Variants in PCDHA8 observed in about 807,000 individuals in gnomAD.
The protein encoded by PCDHA8 is protocadherin alpha 8, also known as protocadherin alpha-8.
A neutral mutation model predicts 61.8 loss-of-function variants in PCDHA8; 53 were observed. That is an observed-to-expected ratio of 0.86 (90% CI 0.69 to 1.08). The LOEUF is 1.08. Among genes scored for constraint, PCDHA8 ranks in the 50% least tolerant of loss-of-function variants. PCDHA8 has a pLI of 0.00. For synonymous variants in PCDHA8, 618 were observed against 556.6 expected, an observed-to-expected ratio of 1.11 and a Z score of -1.55; for missense variants, 1,293 against 1,245.0, an observed-to-expected ratio of 1.04 and a Z score of -0.58.
intron 1 of PCDHA8, chr5:140,856,666 G>C: frequency 1.3e-6 from 2 of 1,598,010 alleles, no homozygotes; most frequent in South Asian, 2.2e-5. Flanking sequence ...AAAATCCTCA[G>C]CTAAAGTTGT....
At chr5:140,898,003 G>A (rs2066458535) in intron 1 of PCDHA8, among the ~76,000 whole-genome samples, 1 of 152,152 alleles carries the variant, frequency 6.6e-6, no homozygotes, top group Non-Finnish European at 1.5e-5. Context: ...AGAAGTGTCT[G>A]TTCATATCCT....
At chr5:140,864,187 AT>A (rs2153225210) in intron 1 of PCDHA8, 1 of 152,208 alleles carries the variant, frequency 6.6e-6, no homozygotes, top group East Asian at 1.9e-4. Context: ...ATGAATAATG[AT>A]CCTTATGAGA....
intron 1 of PCDHA8, chr5:140,876,163 A>AC (rs782492210): frequency 6.2e-7 from 1 of 1,613,966 alleles, no homozygotes; most frequent in South Asian, 1.1e-5. Flanking sequence ...GATTCAAATA[A>AC]CCGTCCTGGA....
intron 1 of PCDHA8, among the ~76,000 whole-genome samples, chr5:140,959,381 A>G (rs2095484925): frequency 6.6e-6 from 1 of 152,190 alleles, no homozygotes; most frequent in African/African-American, 2.4e-5. Flanking sequence ...CTCAAAAAAA[A>G]AAGTCACAAA....
intron 1 of PCDHA8, among the ~76,000 whole-genome samples, chr5:140,978,640 G>T (rs1339340351): frequency 6.6e-6 from 1 of 152,252 alleles, no homozygotes; most frequent in African/African-American, 2.4e-5. Flanking sequence ...TCTCAAAGCA[G>T]ACTGTTCTTC....
rs112947494 is a variant in PCDHA8, at chr5:140,841,828, C to T, written c.507C>T (p.Thr169=). The T allele has an allele frequency of 2.2e-3, 3,483 of 1,613,892 alleles. 96 individuals are homozygous for T. In the African/African-American group the frequency reaches 0.04, roughly 19 times the overall value. ...DADVGANSVL[T]YRLSSHDYFM... is the part of the protein sequence containing the mutation. ...ATGTTGGAGCTAACTCCGTGTTAAC[C>T]TACAGGCTTAGCTCTCATGATTACT... The change falls in exon 1 of 4, where the codon ACC becomes ACT. Residue 169 remains threonine, a synonymous_variant. Transcript: ENST00000531613.
intron 1 of PCDHA8, among the ~76,000 whole-genome samples, chr5:140,872,251 T>C (rs557937835): frequency 3.3e-5 from 5 of 152,196 alleles, no homozygotes; most frequent in Non-Finnish European, 7.3e-5. Flanking sequence ...CCTGTGATAA[T>C]ACTTGTTTTC....
Position 140,843,712 on chromosome 5 carries a change from C to G in PCDHA8, c.2391C>G (p.Leu797=). ...EEQDLNVDHG[L]KPRQPNPDWR... ...AAGATTTAAATGTTGATCATGGCCT[C>G]AAAGTAAGTCCATTTAAATTTAGAA... The change falls in exon 1 of 4, where the codon CTC becomes CTG. Residue 797 remains leucine, a synonymous_variant. Transcript: ENST00000531613. 3.2e-6 allele frequency: 5 copies of G among 1,569,886 alleles called. 1 individual carries two copies. Among genetic ancestry groups the G allele is most frequent in the Non-Finnish European group, 4.4e-6 (5 of 1,144,038 alleles).
intron 1 of PCDHA8, chr5:140,851,093 TA>T: frequency 1.5e-6 from 2 of 1,294,092 alleles, no homozygotes; most frequent in Admixed American, 2.9e-5. Flanking sequence ...ATTAAATAGA[TA>T]TTTTTTGGGT....
chr5:140,916,211 G>C (rs1373329073), intron 1 of PCDHA8, among the ~76,000 whole-genome samples: 4 of 152,182 alleles, frequency 2.6e-5, no homozygotes, highest in Non-Finnish European at 5.9e-5. Flanking sequence ...CCCTGGGGAA[G>C]ATCCAAATAT....
chr5:140,879,685 A>G (rs2058084553), intron 1 of PCDHA8, among the ~76,000 whole-genome samples: 1 of 152,266 alleles, frequency 6.6e-6, no homozygotes, highest in East Asian at 1.9e-4. Flanking sequence ...GCTGTAAAAC[A>G]GCAAAAGTTT....
At chr5:140,927,926 T>C (rs782407263) in intron 1 of PCDHA8, 2 of 1,614,212 alleles carry the variant, frequency 1.2e-6, no homozygotes, top group East Asian at 2.2e-5. Context: ...TTCCTGACTC[T>C]TTCGAACCCA....
chr5:140,955,156 G>A (rs556311036), intron 1 of PCDHA8, among the ~76,000 whole-genome samples: 25 of 152,262 alleles, frequency 1.6e-4, no homozygotes, highest in East Asian at 3.9e-4. Context: ...TACCAGTACC[G>A]TGCTGTTTTG....
chr5:140,870,595 T>C, intron 1 of PCDHA8: 3 of 1,613,242 alleles, frequency 1.9e-6, no homozygotes, highest in Non-Finnish European at 2.5e-6. Flanking sequence ...GGAGCGGCGG[T>C]TGGGCGACCG....
intron 1 of PCDHA8, chr5:140,870,599 G>A: frequency 6.2e-7 from 1 of 1,613,396 alleles, no homozygotes; most frequent in South Asian, 1.1e-5. Flanking sequence ...CGGCGGTTGG[G>A]CGACCGCGCG....
Position 141,012,131 on chromosome 5 carries a change from G to A in PCDHA8, c.*2194G>A, listed in dbSNP as rs1214098938. The A allele has an allele frequency of 1.3e-5, 2 of 153,688 alleles. No individual in the cohort carries two copies. The highest frequency in any genetic ancestry group is 2.9e-5 in the Non-Finnish European group (2 of 68,026). 9.5% of individuals were successfully genotyped at this position (153,688 alleles called of 1,614,324 possible). A position where few individuals can be genotyped will look rare whatever the true frequency, so the allele number is the denominator to read the frequency against. ...CTGAAGCCCATGTATCTGACCTTAC[G>A]TGCCTTTTGAACTAGGAGAATCGGG... On this transcript the variant is annotated 3_prime_UTR_variant, in exon 4 of 4. Transcript: ENST00000531613.
chr5:140,900,683 T>C (rs144072569), intron 1 of PCDHA8, among the ~76,000 whole-genome samples: 52 of 152,340 alleles, frequency 3.4e-4, no homozygotes, highest in African/African-American at 9.9e-4. Context: ...ATCTCTTCAA[T>C]ATACTGATTT....
chr5:140,949,528 A>G (rs2094388709), intron 1 of PCDHA8, among the ~76,000 whole-genome samples: 1 of 151,854 alleles, frequency 6.6e-6, no homozygotes, highest in Non-Finnish European at 1.5e-5. Context: ...TTTTATCTTC[A>G]TAAAATATCG....
intron 1 of PCDHA8, chr5:140,856,086 T>C (rs1554148156): frequency 1.9e-6 from 3 of 1,596,442 alleles, no homozygotes; most frequent in Non-Finnish European, 2.6e-6. Flanking sequence ...GTCCAGTGTC[T>C]GCTGCTCTCG....
Sources: gnomAD v4.1 joint callset for allele counts (sites outside exome capture counted in the v4.1 genomes callset) on GRCh38, gnomAD v4.1.1 for gene constraint, MANE v1.5 for transcripts, NCBI Gene and HGNC (gene_info 2026-07-23, HGNC 2026-07-21) for gene names.